PSPC1: variants seen among roughly 807,000 people sequenced by gnomAD.
PSPC1 encodes paraspeckle protein 1.
Under a neutral mutation model 51.6 loss-of-function variants are expected in PSPC1, and 14 were observed. The observed-to-expected ratio is 0.27, with a 90% CI of 0.18 to 0.42. PSPC1 has a LOEUF of 0.42. Among genes scored for constraint, PSPC1 ranks in the 10% least tolerant of loss-of-function variants. The pLI is 1.00. For synonymous variants in PSPC1, 193 were observed against 231.9 expected, an observed-to-expected ratio of 0.83 and a Z score of 1.53; for missense variants, 406 against 701.1, an observed-to-expected ratio of 0.58 and a Z score of 4.75.
At chr13:19,734,600 G>T (rs972069677) in intron 5 of PSPC1, among the ~76,000 whole-genome samples, 1 of 152,138 alleles carries the variant, frequency 6.6e-6, no homozygotes, top group Non-Finnish European at 1.5e-5. Context: ...TCAGGAGTTC[G>T]AGACGAGCCT....
intron 6 of PSPC1, among the ~76,000 whole-genome samples, chr13:19,720,467 T>A (rs1393569769): frequency 6.6e-6 from 1 of 152,192 alleles, no homozygotes; most frequent in Non-Finnish European, 1.5e-5. Context: ...TCCATTTCTG[T>A]TTGTGATAGT....
At chr13:19,740,142 G>C (rs147908591) in intron 5 of PSPC1, among the ~76,000 whole-genome samples, 1 of 152,040 alleles carries the variant, frequency 6.6e-6, no homozygotes, top group African/African-American at 2.4e-5. Flanking sequence ...TCCGGAGTTC[G>C]AGACCAGCCT....
At chr13:19,743,149 G>A (rs1456096958) in intron 4 of PSPC1, among the ~76,000 whole-genome samples, 1 of 152,162 alleles carries the variant, frequency 6.6e-6, no homozygotes, top group Admixed American at 6.6e-5. Context: ...AAATCTTTGT[G>A]TGTGATTTTG....
At chr13:19,703,974 T>A (rs1418156703) in intron 8 of PSPC1, among the ~76,000 whole-genome samples, 1 of 152,220 alleles carries the variant, frequency 6.6e-6, no homozygotes, top group Non-Finnish European at 1.5e-5. Flanking sequence ...TTTAAACATC[T>A]GAATTAAGTA....
At position 19,772,538 on chromosome 13, in the gene PSPC1, G is replaced by A. The variant is rs1291452140; in HGVS notation, c.378C>T (p.Ser126=). The change falls in exon 2 of 9, where the codon TCC becomes TCT. Residue 126 remains serine, a synonymous_variant. Coordinates refer to ENST00000338910, the MANE Select transcript of PSPC1 (RefSeq NM_001354909.2). ...DRGFGFIRLE[S]RTLAEIAKAE... is the part of the protein sequence containing the mutation. Reference sequence around the variant, plus strand: ...CTTTTGCAATTTCAGCCAGGGTTCTGGATTCCTTTTTAGGAAGAAAAAACA... The same window carrying A: ...CTTTTGCAATTTCAGCCAGGGTTCTAGATTCCTTTTTAGGAAGAAAAAACA... The A allele has an allele frequency of 6.3e-7, 1 of 1,579,206 alleles. No individual in the cohort carries two copies. The highest frequency in any genetic ancestry group is 1.4e-5 in the African/African-American group (1 of 73,338).
At chr13:19,675,446 A>G (rs772644734) in intron 7 of PSPC1, 1 of 152,188 alleles carries the variant, frequency 6.6e-6, no homozygotes, top group Non-Finnish European at 1.5e-5. Context: ...ATGCAAAGGA[A>G]AACTGCAGTT....
intron 3 of PSPC1, among the ~76,000 whole-genome samples, chr13:19,752,735 G>A (rs1214037692): frequency 3.9e-5 from 6 of 151,992 alleles, no homozygotes; most frequent in African/African-American, 4.8e-5. Flanking sequence ...ACAGGCGTCC[G>A]CCACCATGCT....
At chr13:19,682,770 A>C (rs1386834439) in intron 6 of PSPC1, among the ~76,000 whole-genome samples, 3 of 152,136 alleles carry the variant, frequency 2.0e-5, no homozygotes, top group Non-Finnish European at 4.4e-5. Flanking sequence ...ATATTAATAG[A>C]ACCTGCCCTA....
chr13:19,756,619 C>T (rs1887098211), intron 3 of PSPC1, among the ~76,000 whole-genome samples: 1 of 151,984 alleles, frequency 6.6e-6, no homozygotes, highest in Non-Finnish European at 1.5e-5. Flanking sequence ...CCCGCCTCAG[C>T]CTCCTGAGTA....
chr13:19,691,905 G>A (rs998566427), intron 6 of PSPC1, among the ~76,000 whole-genome samples: 9 of 152,190 alleles, frequency 5.9e-5, no homozygotes, highest in African/African-American at 1.2e-4. Flanking sequence ...GTGACAGAGC[G>A]AGACCCCATC....
At chr13:19,750,072 C>T (rs7984626) in intron 4 of PSPC1, among the ~76,000 whole-genome samples, 122,250 of 152,110 alleles carry the variant, frequency 0.8, 50,415 homozygotes, top group East Asian at 0.96. Context: ...CATTCTAAAG[C>T]AAGTGAGAAT....
chr13:19,727,439 C>G (rs1018102304), intron 6 of PSPC1, among the ~76,000 whole-genome samples: 3 of 151,840 alleles, frequency 2.0e-5, no homozygotes, highest in Non-Finnish European at 2.9e-5. Context: ...ATTTTAAAAC[C>G]AAGTAACATA....
At chr13:19,775,044 A>G (rs1217083750) in intron 1 of PSPC1, among the ~76,000 whole-genome samples, 1 of 151,848 alleles carries the variant, frequency 6.6e-6, no homozygotes, top group African/African-American at 2.4e-5. Flanking sequence ...ATTTAAATAA[A>G]AGAAACTAAA....
intron 2 of PSPC1, among the ~76,000 whole-genome samples, chr13:19,767,073 C>T (rs1011577707): frequency 7.9e-5 from 12 of 151,894 alleles, no homozygotes; most frequent in Non-Finnish European, 1.3e-4. Context: ...CTCTAGGAGG[C>T]TGAGGCAGGC....
At chr13:19,706,781 T>G (rs1249271342) in intron 7 of PSPC1, among the ~76,000 whole-genome samples, 1 of 152,170 alleles carries the variant, frequency 6.6e-6, no homozygotes, top group Non-Finnish European at 1.5e-5. Context: ...CATAGGTCAA[T>G]TTTCTGATAA....
intron 6 of PSPC1, among the ~76,000 whole-genome samples, chr13:19,729,860 AAG>A (rs1366220877): frequency 6.6e-6 from 1 of 152,220 alleles, no homozygotes; most frequent in Non-Finnish European, 1.5e-5. Flanking sequence ...ATATGTTTAT[AAG>A]TGTTCACTAC....
intron 4 of PSPC1, among the ~76,000 whole-genome samples, chr13:19,744,469 T>C (rs1378443278): frequency 2.0e-5 from 3 of 152,228 alleles, no homozygotes; most frequent in African/African-American, 7.2e-5. Flanking sequence ...GTTCCTGATA[T>C]TTCACTAAAG....
intron 5 of PSPC1, among the ~76,000 whole-genome samples, chr13:19,736,596 T>C (rs1566010766): frequency 6.6e-6 from 1 of 152,008 alleles, no homozygotes; most frequent in Non-Finnish European, 1.5e-5. Context: ...GGCAGGAGAA[T>C]GGCATGAACC....
intron 2 of PSPC1, among the ~76,000 whole-genome samples, chr13:19,763,899 A>T (rs975050458): frequency 3.3e-5 from 5 of 152,058 alleles, no homozygotes; most frequent in African/African-American, 1.2e-4. Context: ...ACTACTCAGG[A>T]GACTGAGGAA....
Sources: allele counts gnomAD v4.1 joint callset (sites outside exome capture counted in the v4.1 genomes callset), GRCh38; gene constraint gnomAD v4.1.1; transcripts MANE v1.5; gene names NCBI Gene and HGNC (gene_info 2026-07-23, HGNC 2026-07-21).